The following PDGFD variants were observed in gnomAD, a reference collection of about 807,000 sequenced individuals.
The protein encoded by PDGFD is platelet-derived growth factor D.
Under a neutral mutation model 44.7 loss-of-function variants are expected in PDGFD, and 30 were observed. The observed-to-expected ratio is 0.67, with a 90% CI of 0.50 to 0.91. The LOEUF (loss-of-function observed/expected upper bound fraction) is 0.91, where lower values mean the gene tolerates loss of function less well. Ranked by LOEUF, PDGFD falls within the 40% of genes least tolerant of loss-of-function variation. The pLI is 0.00. For synonymous variants in PDGFD, 173 were observed against 168.4 expected, an observed-to-expected ratio of 1.03 and a Z score of -0.21; for missense variants, 445 against 457.8, an observed-to-expected ratio of 0.97 and a Z score of 0.25.
intron 1 of PDGFD, among the ~76,000 whole-genome samples, chr11:104,158,318 G>C (rs1448326304): frequency 1.3e-5 from 2 of 152,214 alleles, no homozygotes; most frequent in Admixed American, 6.5e-5. Flanking sequence ...AGCCTCCTTG[G>C]TAGCTGTGCA....
At chr11:104,024,758 T>C (rs1158043908) in intron 1 of PDGFD, among the ~76,000 whole-genome samples, 1 of 152,200 alleles carries the variant, frequency 6.6e-6, no homozygotes, top group Non-Finnish European at 1.5e-5. Flanking sequence ...TGCATGACTG[T>C]ACTGTCAAAG....
At chr11:104,043,785 T>C (rs531828985) in intron 1 of PDGFD, among the ~76,000 whole-genome samples, 1 of 152,172 alleles carries the variant, frequency 6.6e-6, no homozygotes, top group South Asian at 2.1e-4. Context: ...CATAGATTCT[T>C]TTTAACAAGC....
intron 3 of PDGFD, among the ~76,000 whole-genome samples, chr11:103,978,817 CAT>C (rs1428106833): frequency 6.6e-6 from 1 of 151,972 alleles, no homozygotes; most frequent in Admixed American, 6.6e-5. Context: ...AGTGAAAAAA[CAT>C]AAATCCTGTA....
chr11:103,956,524 G>A (rs1057189743), intron 3 of PDGFD, among the ~76,000 whole-genome samples: 4 of 144,962 alleles, frequency 2.8e-5, no homozygotes, highest in Non-Finnish European at 4.5e-5. Context: ...ATAAACATAC[G>A]TGTGCATGTG....
At chr11:103,910,374 T>G (rs144793123) in intron 6 of PDGFD, among the ~76,000 whole-genome samples, 2 of 152,154 alleles carry the variant, frequency 1.3e-5, no homozygotes, top group East Asian at 3.9e-4. Flanking sequence ...GGCGGGTGAT[T>G]TCTCCATTCC....
In PDGFD at chr11:103,994,787, G is replaced by A. The variant is rs928290253; in HGVS notation, c.510+1278C>T. ...AGGATTCTGGGATATTTATGTTAAT[G>A]TATAGACAAAATTATCCAAATGTCT... is the stretch of plus-strand genomic sequence containing the variant. On this transcript the variant is annotated intron_variant, in intron 3 of 6. Transcript: ENST00000393158. Among the ~76,000 whole-genome samples, 82 of 151,710 alleles carry A rather than the reference G, an allele frequency of 5.4e-4. 2 individuals are homozygous for A. The highest frequency in any genetic ancestry group is 2.2e-4 in the Non-Finnish European group (15 of 67,968).
chr11:103,922,854 A>G (rs1463488906), intron 6 of PDGFD, among the ~76,000 whole-genome samples: 3 of 152,104 alleles, frequency 2.0e-5, no homozygotes, highest in African/African-American at 7.2e-5. Context: ...TGCTGAGATT[A>G]CAGGCATGAG....
intron 3 of PDGFD, among the ~76,000 whole-genome samples, chr11:103,994,872 T>C (rs1565305619): frequency 6.9e-6 from 1 of 145,158 alleles, no homozygotes; most frequent in South Asian, 2.2e-4. Flanking sequence ...TTCTCAGTTG[T>C]TGCTATTCCT....
intron 3 of PDGFD, among the ~76,000 whole-genome samples, chr11:103,949,620 G>C (rs1313204225): frequency 6.6e-6 from 1 of 152,178 alleles, no homozygotes; most frequent in Non-Finnish European, 1.5e-5. Context: ...TTCAATATTT[G>C]TTAATCACCT....
At chr11:103,962,715 G>A (rs2408813) in intron 3 of PDGFD, among the ~76,000 whole-genome samples, 2 of 152,216 alleles carry the variant, frequency 1.3e-5, no homozygotes, top group East Asian at 3.9e-4. Flanking sequence ...TGTGACCTTA[G>A]GCAAGGTAAA....
intron 1 of PDGFD, among the ~76,000 whole-genome samples, chr11:104,095,733 A>G (rs1247326372): frequency 6.6e-6 from 1 of 152,192 alleles, no homozygotes; most frequent in Non-Finnish European, 1.5e-5. Flanking sequence ...TCATCTCTGT[A>G]ATGAACACTT....
chr11:104,002,797 TA>T (rs1859639846), intron 1 of PDGFD, among the ~76,000 whole-genome samples: 5 of 152,234 alleles, frequency 3.3e-5, no homozygotes, highest in Admixed American at 3.3e-4. Context: ...CTCTCTAAAT[TA>T]ATATTTTAAT....
rs754414098 is a variant in PDGFD, at chr11:104,163,915, T to C, written c.13A>G (p.Ile5Val). The change falls in exon 1 of 7, where the codon ATC becomes GTC. Residue 5 changes from isoleucine to valine, a missense_variant. Transcript: ENST00000393158. MHRL[I>V]FVYTLICANF... ...GCGCAGATTAGAGTGTAGACAAAGA[T>C]GAGCCGGTGCATTTGGGATCAGCGA... 6 of 1,549,628 alleles carry C rather than the reference T, an allele frequency of 3.9e-6. No individual in the cohort carries two copies. The African/African-American group carries it at 8.1e-5, about 21-fold the overall frequency.
chr11:104,104,978 C>T (rs1861452163), intron 1 of PDGFD, among the ~76,000 whole-genome samples: 1 of 152,124 alleles, frequency 6.6e-6, no homozygotes, highest in South Asian at 2.1e-4. Flanking sequence ...TTGTTGCTCA[C>T]CATGTATACC....
intron 6 of PDGFD, among the ~76,000 whole-genome samples, chr11:103,915,664 G>A (rs182591809): frequency 6.6e-6 from 1 of 152,286 alleles, no homozygotes; most frequent in African/African-American, 2.4e-5. Context: ...AACAAAGCTG[G>A]AGGTATCATG....
At chr11:104,077,138 C>A (rs1165242592) in intron 1 of PDGFD, among the ~76,000 whole-genome samples, 5 of 152,112 alleles carry the variant, frequency 3.3e-5, no homozygotes, top group African/African-American at 1.2e-4. Context: ...ACACACTGTT[C>A]AGTGTCACCT....
intron 1 of PDGFD, among the ~76,000 whole-genome samples, chr11:104,049,986 T>C (rs1166953398): frequency 6.6e-6 from 1 of 152,018 alleles, no homozygotes; most frequent in Non-Finnish European, 1.5e-5. Context: ...ATCATAACAA[T>C]AGAGGTAGGG....
Position 103,971,245 on chromosome 11 carries a change from G to A in PDGFD, c.511-23521C>T, listed in dbSNP as rs558146717. Among the ~76,000 whole-genome samples the A allele has an allele frequency of 3.9e-4, 60 of 152,114 alleles. 2 individuals are homozygous for A. In the South Asian group the frequency reaches 0.012, roughly 30 times the overall value. On this transcript the variant is annotated intron_variant, in intron 3 of 6. Transcript: ENST00000393158. ...AGTTAATGTTCTGGGCTTGCTATAG[G>A]TAATGGCTCTAAGAAAAAGCAATAA...
At chr11:103,946,038 T>C (rs1277595704) in intron 4 of PDGFD, 2 of 152,210 alleles carry the variant, frequency 1.3e-5, no homozygotes, top group African/African-American at 4.8e-5. Context: ...AGAACTAATT[T>C]AATGTGTCTC....
Sources: allele counts gnomAD v4.1 joint callset (sites outside exome capture counted in the v4.1 genomes callset), GRCh38; gene constraint gnomAD v4.1.1; transcripts MANE v1.5; gene names NCBI Gene and HGNC (gene_info 2026-07-23, HGNC 2026-07-21).